Variants in ZNF800 observed in about 807,000 individuals in gnomAD.
ZNF800 encodes the protein zinc finger protein 800.
A neutral mutation model predicts 59.5 loss-of-function variants in ZNF800; 13 were observed. That is an observed-to-expected ratio of 0.22 (90% confidence interval 0.14 to 0.35). ZNF800 has a LOEUF of 0.35. ZNF800 is among the 10% of genes least tolerant of loss of function. The pLI, the probability that ZNF800 is intolerant of heterozygous loss-of-function variation, is 1.00. For missense variants in ZNF800, 621 were observed against 783.7 expected (o/e 0.79, Z 2.48); for synonymous variants, 266 against 265.7 (o/e 1.00, Z -0.01).
chr7:127,381,439 AATATAT>A (rs35499163), intron 3 of ZNF800, among the ~76,000 whole-genome samples: 1 of 151,294 alleles, frequency 6.6e-6, no homozygotes, highest in Non-Finnish European at 1.5e-5. Flanking sequence ...GGGCTGGTTA[AATATAT>A]ATATATGTTA....
chr7:127,385,846 TA>T (rs1244594338), intron 3 of ZNF800, among the ~76,000 whole-genome samples: 1 of 152,106 alleles, frequency 6.6e-6, no homozygotes, highest in African/African-American at 2.4e-5. Flanking sequence ...AAATTTATTT[TA>T]AAATTAATAT....
intron 1 of ZNF800, among the ~76,000 whole-genome samples, chr7:127,357,749 A>C (rs1344986089): frequency 1.3e-5 from 2 of 152,070 alleles, no homozygotes; most frequent in African/African-American, 4.8e-5. Flanking sequence ...AAATTAATTC[A>C]TATTGCCTAA....
At chr7:127,349,860 G>A (rs1800138266) in intron 1 of ZNF800, 1 of 152,184 alleles carries the variant, frequency 6.6e-6, no homozygotes, top group South Asian at 2.1e-4. Flanking sequence ...TATTATTGGT[G>A]CTACAGTCCA....
chr7:127,375,191 A>G (rs1800757086), intron 4 of ZNF800, among the ~76,000 whole-genome samples, 157 bp from the exon 5 acceptor site: 1 of 152,130 alleles, frequency 6.6e-6, no homozygotes, highest in African/African-American at 2.4e-5. Flanking sequence ...CTACAAAGAT[A>G]AAGACTACTA....
Position 127,385,960 on chromosome 7 carries a change from A to T in ZNF800, c.157+100T>A, listed in dbSNP as rs951168348. ...TAAATATTCTATAAAGAAAGCCAACATATACATTTTAATGTTTTTTAAAAA... is the reference window on the plus strand; with the variant it reads ...TAAATATTCTATAAAGAAAGCCAACTTATACATTTTAATGTTTTTTAAAAA... On this transcript the variant is annotated intron_variant, in intron 3 of 5. Transcript: ENST00000265827. 1.5e-5 allele frequency: 11 copies of T among 733,738 alleles called. No homozygotes were observed. In the African/African-American group the frequency reaches 2.0e-4, roughly 13 times the overall value. 45.5% of individuals were successfully genotyped at this position (733,738 alleles called of 1,614,324 possible).
intron 2 of ZNF800, among the ~76,000 whole-genome samples, chr7:127,391,166 CTA>C (rs943211465): frequency 6.6e-6 from 1 of 152,066 alleles, no homozygotes; most frequent in African/African-American, 2.4e-5. Flanking sequence ...ATCTAGTATT[CTA>C]TGTTTTCCTT....
chr7:127,373,914 T>G lies in ZNF800; in HGVS notation c.1422A>C (p.Lys474Asn). The G allele has an allele frequency of 6.2e-7, 1 of 1,614,138 alleles. No individual in the cohort carries two copies. The highest frequency in any genetic ancestry group is 8.5e-7 in the Non-Finnish European group (1 of 1,180,024). Residue 474 changes from lysine to asparagine, a missense_variant, in exon 5 of 6, where the codon AAA becomes AAC. Around this residue, in one of 7 missense-constraint regions of ZNF800, gnomAD observed 185 missense variants for 177.6 expected, o/e 1.04. Coordinates refer to ENST00000265827, the MANE Select transcript of ZNF800 (RefSeq NM_176814.5). ...AGTCAAAGCCAGCTGAAAGTTTTGG[T>G]TTTCTGGTTTTTTGCTGGCCACCTG... Reference protein sequence around the residue: ...SAAGGQQKTRKPKLSAGFDFK... With the variant: ...SAAGGQQKTRNPKLSAGFDFK...
chr7:127,383,297 C>G (rs991521085), intron 3 of ZNF800, among the ~76,000 whole-genome samples: 1 of 152,188 alleles, frequency 6.6e-6, no homozygotes, highest in Non-Finnish European at 1.5e-5. Context: ...AGATAACTAT[C>G]TGAGCTTGAA....
intron 4 of ZNF800, among the ~76,000 whole-genome samples, chr7:127,375,758 T>C (rs1800774319): frequency 6.6e-6 from 1 of 152,008 alleles, no homozygotes; most frequent in Non-Finnish European, 1.5e-5. Context: ...AACAGAGTTG[T>C]CTAACACTGG....
At chr7:127,353,094 C>T (rs1297251529) in intron 1 of ZNF800, among the ~76,000 whole-genome samples, 1 of 151,998 alleles carries the variant, frequency 6.6e-6, no homozygotes, top group Non-Finnish European at 1.5e-5. Flanking sequence ...GAATCAGTCA[C>T]CTAAGCAAAA....
intron 1 of ZNF800, among the ~76,000 whole-genome samples, chr7:127,354,388 TTAA>T (rs1321062553): frequency 6.6e-6 from 1 of 152,012 alleles, no homozygotes; most frequent in Non-Finnish European, 1.5e-5. Context: ...AAACAGTTGT[TTAA>T]TAATAATAGG....
At chr7:127,345,295 A>AC (rs34510825), downstream of ZNF800, among the ~76,000 whole-genome samples, 36,554 of 139,916 alleles carry the variant, frequency 0.26, 4,827 homozygotes, top group Middle Eastern at 0.46. Context: ...TGGGAAATAG[A>AC]CCCCCCCCCC....
At chr7:127,378,469 C>T (rs1489385742) in intron 3 of ZNF800, among the ~76,000 whole-genome samples, 1 of 151,914 alleles carries the variant, frequency 6.6e-6, no homozygotes, top group Admixed American at 6.6e-5. Flanking sequence ...GACCCAAGTA[C>T]CCTGAAAAAT....
chr7:127,379,932 G>C (rs911819326), intron 3 of ZNF800, among the ~76,000 whole-genome samples: 2 of 142,228 alleles, frequency 1.4e-5, no homozygotes, highest in East Asian at 2.1e-4. Flanking sequence ...GATCCAAGCA[G>C]TCCAGATTTC....
At chr7:127,349,023 G>A (rs545137061) in intron 1 of ZNF800, among the ~76,000 whole-genome samples, 5 of 151,740 alleles carry the variant, frequency 3.3e-5, no homozygotes, top group Non-Finnish European at 7.4e-5. Flanking sequence ...TGTCTTTTGT[G>A]ACATTATATC....
chr7:127,383,663 C>T, intron 3 of ZNF800, among the ~76,000 whole-genome samples: 1 of 152,114 alleles, frequency 6.6e-6, no homozygotes, highest in East Asian at 1.9e-4. Context: ...GAAGGGCTAC[C>T]ACAGTAGACA....
At chr7:127,343,667 A>G (rs1156475297), downstream of ZNF800, among the ~76,000 whole-genome samples, 1 of 152,010 alleles carries the variant, frequency 6.6e-6, no homozygotes, top group Non-Finnish European at 1.5e-5. Context: ...TAAAGGTAGA[A>G]TTCAAAAATG....
chr7:127,349,287 C>A (rs939430622), intron 1 of ZNF800, among the ~76,000 whole-genome samples: 7 of 152,124 alleles, frequency 4.6e-5, no homozygotes, highest in African/African-American at 1.7e-4. Flanking sequence ...ATCCTGGTCT[C>A]CCAATCATAA....
downstream of ZNF800, among the ~76,000 whole-genome samples, chr7:127,345,025 TGATA>T (rs1800032290): frequency 6.6e-6 from 1 of 152,190 alleles, no homozygotes; most frequent in Non-Finnish European, 1.5e-5. Context: ...TGGATTAAAT[TGATA>T]GATATCTGAC....
Sources: allele counts gnomAD v4.1 joint callset (sites outside exome capture counted in the v4.1 genomes callset), GRCh38; gene constraint gnomAD v4.1.1; regional missense constraint gnomAD v4.1.1; transcripts MANE v1.5; gene names NCBI Gene and HGNC (gene_info 2026-07-23, HGNC 2026-07-21).